Variants in FHIT observed in about 807,000 individuals in gnomAD.
FHIT encodes bis(5'-adenosyl)-triphosphatase.
FHIT carries 19 observed loss-of-function variants against 17.9 expected under a neutral mutation model. That is an observed-to-expected ratio of 1.06 (90% confidence interval 0.74 to 1.56). The LOEUF (loss-of-function observed/expected upper bound fraction) is 1.56, where lower values mean the gene tolerates loss of function less well. Among genes scored for constraint, FHIT ranks in the 40% most tolerant of loss-of-function variants. FHIT has a pLI of 0.00. For synonymous variants in FHIT, 81 were observed against 69.7 expected (o/e 1.16, Z -0.81); for missense variants, 248 against 189.2 (o/e 1.31, Z -1.82).
chr3:59,996,099 T>C (rs765569048), intron 7 of FHIT, among the ~76,000 whole-genome samples: 2 of 151,972 alleles, frequency 1.3e-5, no homozygotes, highest in Admixed American at 6.6e-5. Flanking sequence ...AAAACAAAAC[T>C]GGTGAATAAA....
At chr3:60,379,511 T>C (rs1700713914) in intron 5 of FHIT, among the ~76,000 whole-genome samples, 1 of 152,176 alleles carries the variant, frequency 6.6e-6, no homozygotes, top group Non-Finnish European at 1.5e-5. Flanking sequence ...TTTAAGAAGT[T>C]AGAGATAGTT....
chr3:60,124,003 TATATATAGAGAGAGAGAGAGAGAGAG>T (rs1705401184), intron 5 of FHIT, among the ~76,000 whole-genome samples: 1 of 24,580 alleles, frequency 4.1e-5, no homozygotes, highest in African/African-American at 1.7e-4. Flanking sequence ...TATATATATA[TATATATAGAGAGAGAGAGAGAGAGAG>T]AGAGAGAGAG....
chr3:60,744,271 A>AAAAAAAAAAAAAAAAAAAAAAAAAC (rs2042309303), intron 4 of FHIT, among the ~76,000 whole-genome samples: 5 of 52,138 alleles, frequency 9.6e-5, no homozygotes, highest in Non-Finnish European at 1.4e-4. Context: ...AACAAAACAA[A>AAAAAAAAAAAAAAAAAAAAAAAAAC]AAAAAAAAAA....
At chr3:60,613,052 C>T (rs1483081219) in intron 4 of FHIT, among the ~76,000 whole-genome samples, 1 of 152,174 alleles carries the variant, frequency 6.6e-6, no homozygotes, top group Non-Finnish European at 1.5e-5. Context: ...GGGATCTTGC[C>T]TGCAGGAACA....
At chr3:60,518,469 A>G (rs1452723728) in intron 5 of FHIT, among the ~76,000 whole-genome samples, 1 of 152,218 alleles carries the variant, frequency 6.6e-6, no homozygotes, top group Non-Finnish European at 1.5e-5. Context: ...CAAAAAACCT[A>G]ATTCTTGAAG....
chr3:60,977,579 A>G (rs1710315891), intron 3 of FHIT, among the ~76,000 whole-genome samples: 1 of 152,064 alleles, frequency 6.6e-6, no homozygotes, highest in African/African-American at 2.4e-5. Flanking sequence ...ATGCTCTGTT[A>G]GAATCATTGT....
intron 4 of FHIT, among the ~76,000 whole-genome samples, chr3:60,736,188 G>T (rs2042129388): frequency 6.6e-6 from 1 of 152,076 alleles, no homozygotes; most frequent in African/African-American, 2.4e-5. Flanking sequence ...TCTCATATTG[G>T]CAAGTGGGAT....
rs75058389 is a variant in FHIT, at chr3:59,904,952, C to T, written c.348+17394G>A. On this transcript the variant is annotated intron_variant, in intron 8 of 9. Transcript: ENST00000492590. ...CAGTGTAGAAAACCAATTAGGAAAGCGCAGGTATATGTAAAACAGGTGAAG... is the reference window on the plus strand; with the variant it reads ...CAGTGTAGAAAACCAATTAGGAAAGTGCAGGTATATGTAAAACAGGTGAAG... Among the ~76,000 whole-genome samples, 440 of 152,264 alleles carry T rather than the reference C, an allele frequency of 2.9e-3. 3 individuals are homozygous for T. The highest frequency in any genetic ancestry group is 4.5e-3 in the Non-Finnish European group (303 of 68,016).
intron 5 of FHIT, among the ~76,000 whole-genome samples, chr3:60,184,774 A>G (rs1702091629): frequency 6.6e-6 from 1 of 152,074 alleles, no homozygotes; most frequent in African/African-American, 2.4e-5. Context: ...TCTGCTAAAC[A>G]GATTTTTCAA....
At chr3:60,310,188 C>G (rs1021416122) in intron 5 of FHIT, among the ~76,000 whole-genome samples, 1 of 152,140 alleles carries the variant, frequency 6.6e-6, no homozygotes, top group African/African-American at 2.4e-5. Context: ...GATTTCAGGT[C>G]TCCACAGAGC....
At chr3:60,212,707 G>T (rs1874500) in intron 5 of FHIT, among the ~76,000 whole-genome samples, 2 of 151,920 alleles carry the variant, frequency 1.3e-5, no homozygotes, top group African/African-American at 4.8e-5. Flanking sequence ...TGGTTTGCAA[G>T]GCATATGAAA....
chr3:59,925,571 C>G (rs1705620034), intron 7 of FHIT, among the ~76,000 whole-genome samples: 2 of 152,166 alleles, frequency 1.3e-5, no homozygotes, highest in Non-Finnish European at 2.9e-5. Flanking sequence ...GCCTACTATT[C>G]TTTACCCTCG....
intron 5 of FHIT, among the ~76,000 whole-genome samples, chr3:60,336,410 G>A (rs1710243398): frequency 6.6e-6 from 1 of 152,184 alleles, no homozygotes; most frequent in Non-Finnish European, 1.5e-5. Context: ...GAAAAGAGTG[G>A]TTAAAAGTCA....
intron 8 of FHIT, among the ~76,000 whole-genome samples, chr3:59,798,767 A>G (rs946174547): frequency 6.6e-6 from 1 of 152,214 alleles, no homozygotes. Flanking sequence ...GCATCTGGAA[A>G]ATGGATTGAT....
chr3:60,713,961 C>G (rs1319852957), intron 4 of FHIT, among the ~76,000 whole-genome samples: 1 of 151,786 alleles, frequency 6.6e-6, no homozygotes, highest in Non-Finnish European at 1.5e-5. Context: ...GATACCAAAG[C>G]CTGGCAGAGA....
intron 7 of FHIT, among the ~76,000 whole-genome samples, chr3:59,934,695 G>C (rs1214529057): frequency 6.6e-6 from 1 of 152,092 alleles, no homozygotes; most frequent in African/African-American, 2.4e-5. Context: ...CATGGCAGAA[G>C]GGGAAGCAAA....
intron 5 of FHIT, among the ~76,000 whole-genome samples, chr3:60,388,274 G>A (rs1701088395): frequency 6.6e-6 from 1 of 152,104 alleles, no homozygotes; most frequent in African/African-American, 2.4e-5. Flanking sequence ...ATGTACTTCA[G>A]ATAGCCTTCT....
chr3:60,735,523 T>A (rs906767934), intron 4 of FHIT, among the ~76,000 whole-genome samples: 4 of 152,050 alleles, frequency 2.6e-5, no homozygotes, highest in Non-Finnish European at 5.9e-5. Context: ...GGGAAGAATT[T>A]AAAAAAAATC....
intron 3 of FHIT, among the ~76,000 whole-genome samples, chr3:60,880,737 C>T (rs112061284): frequency 8.6e-6 from 1 of 115,984 alleles, no homozygotes; most frequent in African/African-American, 2.5e-5. Flanking sequence ...ATCTCAAAAA[C>T]AAACAACAAC....
Sources: allele counts gnomAD v4.1 joint callset (sites outside exome capture counted in the v4.1 genomes callset), GRCh38; gene constraint gnomAD v4.1.1; transcripts MANE v1.5; gene names NCBI Gene and HGNC (gene_info 2026-07-23, HGNC 2026-07-21).